Variants in C1orf54 observed in about 807,000 individuals in gnomAD.
C1orf54 encodes the protein chromosome 1 open reading frame 54, also known as uncharacterized protein C1orf54.
A neutral mutation model predicts 14.7 loss-of-function variants in C1orf54; 12 were observed. The observed-to-expected ratio is 0.82, with a 90% CI of 0.52 to 1.32. C1orf54 has a LOEUF of 1.32. C1orf54 is among the 40% of genes most tolerant of loss of function. The pLI is 0.00. For missense variants in C1orf54, 163 were observed against 162.2 expected (o/e 1.00, Z -0.03); for synonymous variants, 65 against 56.3 (o/e 1.16, Z -0.70).
At chr1:150,274,058 C>T in intron 1 of C1orf54, 29 bp from the exon 2 acceptor site, 1 of 1,525,716 alleles carries the variant, frequency 6.6e-7, no homozygotes, top group Non-Finnish European at 9.1e-7. Context: ...TTCCAGATGT[C>T]CCTTGACCTC....
upstream of C1orf54, chr1:150,268,944 CGGGGAAGGGGAA>C: frequency 1.4e-6 from 1 of 700,356 alleles, no homozygotes; most frequent in East Asian, 2.8e-5. Flanking sequence ...CCCCAGACCC[CGGGGAAGGGGAA>C]GGGGGGGAAC....
chr1:150,269,814 A>C (rs986134885), upstream of C1orf54, among the ~76,000 whole-genome samples: 1 of 152,186 alleles, frequency 6.6e-6, no homozygotes, highest in African/African-American at 2.4e-5. Context: ...TAATCCCAGC[A>C]CTTTGGGAGG....
chr1:150,279,755 C>A lies in C1orf54; in HGVS notation c.*3+14C>A. 6.3e-7 allele frequency: 1 copy of A among 1,595,512 alleles called. No homozygotes were observed. Among genetic ancestry groups the A allele is most frequent in the Non-Finnish European group, 8.6e-7 (1 of 1,166,046 alleles). ...TTCATGTAGAAGGTAAGAGTGCAGC[C>A]ACTGGCTTTGGGGGAGTCTGTGAAA... On this transcript the variant is annotated intron_variant, in intron 5 of 5. Transcript: ENST00000369099.
chr1:150,275,862 C>T (rs1479177532), intron 3 of C1orf54, 63 bp downstream of exon 3: 27 of 1,424,298 alleles, frequency 1.9e-5, no homozygotes, highest in Non-Finnish European at 2.4e-5. Flanking sequence ...ACTGGCCGGG[C>T]GCAGTGGCTC....
chr1:150,276,540 A>G lies in C1orf54; in HGVS notation c.208A>G (p.Ile70Val), dbSNP rs1553852513. The part of the protein sequence containing the change: ...EDRLNRLDKD[I>V]TEAIETTISL... ...AGGGTAGAACAGGTTGGATAAGGAC[A>G]TAACAGAAGCAATAGAGACTACCAT... The change falls in exon 4 of 6, where the codon ATA (isoleucine) becomes GTA (valine). Residue 70 changes from isoleucine to valine, a missense_variant. Ile to Val is a conservative substitution (Grantham distance 29). Transcript: ENST00000369099. The G allele has an allele frequency of 2.5e-6, 4 of 1,613,984 alleles. No individual in the cohort carries two copies. Among genetic ancestry groups the G allele is most frequent in the Admixed American group, 1.7e-5 (1 of 60,004 alleles).
chr1:150,277,493 ACT>A (rs1553852743), intron 4 of C1orf54, among the ~76,000 whole-genome samples: 2 of 70,924 alleles, frequency 2.8e-5, no homozygotes, highest in Non-Finnish European at 5.4e-5. Flanking sequence ...ACAGAGTGAG[ACT>A]CTATACTAAA....
upstream of C1orf54, chr1:150,268,735 C>A (rs782227937): frequency 8.7e-6 from 14 of 1,613,662 alleles, no homozygotes; most frequent in East Asian, 2.2e-5. Context: ...GGGTCCCCAG[C>A]CACAGTGATC....
rs931901371 is a variant in C1orf54 at position 150,275,787 on chromosome 1, A to T, written c.177A>T (p.Ser59=). The change falls in exon 3 of 6, where the codon TCA becomes TCT. Residue 59 remains serine, a synonymous_variant. Transcript: ENST00000369099. ...DFTIDYSIFE[S]EDRLNRLDKD... ...CCATTGATTACTCCATATTTGAGTC[A>T]GAGGACAGGCTGGTGAGTGAACTCT... 6.2e-7 allele frequency: 1 copy of T among 1,611,930 alleles called. No homozygotes were observed. Among genetic ancestry groups the T allele is most frequent in the Non-Finnish European group, 8.5e-7 (1 of 1,178,054 alleles).
intron 5 of C1orf54, among the ~76,000 whole-genome samples, chr1:150,280,017 TTAAAAA>T (rs1652967501): frequency 6.6e-6 from 1 of 151,876 alleles, no homozygotes; most frequent in African/African-American, 2.4e-5. Flanking sequence ...TACAAAAAAA[TTAAAAA>T]TAAATAAATA....
intron 2 of C1orf54, among the ~76,000 whole-genome samples, chr1:150,274,627 G>C (rs1195512069): frequency 7.0e-6 from 1 of 142,518 alleles, no homozygotes; most frequent in African/African-American, 2.6e-5. Flanking sequence ...AAAGATTTAT[G>C]ATGGGCTGGG....
chr1:150,274,200 C>T (rs782539532), intron 2 of C1orf54, 30 bp downstream of exon 2: 3 of 1,478,764 alleles, frequency 2.0e-6, no homozygotes, highest in Admixed American at 3.4e-5. Context: ...TTGCCCTTAG[C>T]CAACTGGAGA....
At chr1:150,275,859 G>A (rs994328859) in intron 3 of C1orf54, 60 bp downstream of exon 3, 41 of 1,440,720 alleles carry the variant, frequency 2.8e-5, no homozygotes, top group African/African-American at 5.6e-5. Context: ...GAAACTGGCC[G>A]GGCGCAGTGG....
chr1:150,274,790 G>GT (rs1337164916), intron 2 of C1orf54, among the ~76,000 whole-genome samples: 1 of 150,982 alleles, frequency 6.6e-6, no homozygotes, highest in Admixed American at 6.6e-5. Flanking sequence ...GCACCTGCCT[G>GT]TAGTCCCAGT....
intron 2 of C1orf54, among the ~76,000 whole-genome samples, chr1:150,275,052 T>TG (rs1279323641): frequency 6.6e-6 from 1 of 151,166 alleles, no homozygotes; most frequent in Non-Finnish European, 1.5e-5. Flanking sequence ...AAATTTTTTT[T>TG]TTTTGAGACC....
intron 5 of C1orf54, among the ~76,000 whole-genome samples, chr1:150,280,632 A>T (rs1653018393): frequency 6.6e-6 from 1 of 152,212 alleles, no homozygotes; most frequent in Admixed American, 6.5e-5. Context: ...TTGGGATGCT[A>T]AATAACCATT....
In C1orf54 at chr1:150,279,699, G is replaced by C. The variant is rs202039324; in HGVS notation, c.357G>C (p.Leu119=). Residue 119 remains leucine, a synonymous_variant, in exon 5 of 6, where the codon CTG becomes CTC. Transcript: ENST00000369099. ...SSLRSPIPLL[L]SCAFVQVGMY... ...TGCGAAGTCCTATTCCCCTCCTCCT[G>C]TCGTGTGCCTTTGTTCAGGTGGGGA... 1.9e-6 allele frequency: 3 copies of C among 1,613,240 alleles called. No homozygotes were observed. The highest frequency in any genetic ancestry group is 2.2e-5 in the East Asian group (1 of 44,788).
chr1:150,276,094 G>A (rs1241383227), intron 3 of C1orf54, among the ~76,000 whole-genome samples: 1 of 151,656 alleles, frequency 6.6e-6, no homozygotes, highest in Non-Finnish European at 1.5e-5. Flanking sequence ...AGCCAAGATC[G>A]TTCCACTGCA....
upstream of C1orf54, among the ~76,000 whole-genome samples, chr1:150,272,030 C>T (rs1553851356): frequency 6.6e-6 from 1 of 152,074 alleles, no homozygotes; most frequent in Non-Finnish European, 1.5e-5. Flanking sequence ...GTCCCAGCTA[C>T]CAGGGAGGCT....
chr1:150,270,383 T>A (rs587715810), upstream of C1orf54, among the ~76,000 whole-genome samples: 1 of 152,348 alleles, frequency 6.6e-6, no homozygotes, highest in African/African-American at 2.4e-5. Flanking sequence ...GGCTCATGCC[T>A]GTAATCCCAG....
Sources: allele counts gnomAD v4.1 joint callset (sites outside exome capture counted in the v4.1 genomes callset), GRCh38; gene constraint gnomAD v4.1.1; transcripts MANE v1.5; gene names NCBI Gene and HGNC (gene_info 2026-07-23, HGNC 2026-07-21).